The following SLC22A15 variants were observed in gnomAD, a reference collection of about 807,000 sequenced individuals.
SLC22A15 encodes the protein flipt 1.
In SLC22A15, 45 loss-of-function variants were observed where a neutral mutation model predicts 62.7. The ratio of observed to expected loss-of-function variants is 0.72; its 90% CI spans 0.56 to 0.92. The LOEUF (loss-of-function observed/expected upper bound fraction) is 0.92. Among genes scored for constraint, SLC22A15 ranks in the 40% least tolerant of loss-of-function variants. The pLI, the probability that SLC22A15 is intolerant of heterozygous loss-of-function variation, is 0.00. For missense variants in SLC22A15, 622 were observed against 665.6 expected (o/e 0.93, Z 0.72); for synonymous variants, 264 against 267.0 (o/e 0.99, Z 0.11).
intron 8 of SLC22A15, among the ~76,000 whole-genome samples, chr1:116,049,056 C>G (rs1657993168): frequency 6.6e-6 from 1 of 152,142 alleles, no homozygotes; most frequent in African/African-American, 2.4e-5. Flanking sequence ...TATCACAATC[C>G]TAAACACATA....
At chr1:115,993,151 G>A (rs149495413) in intron 2 of SLC22A15, among the ~76,000 whole-genome samples, 1 of 152,268 alleles carries the variant, frequency 6.6e-6, no homozygotes, top group Non-Finnish European at 1.5e-5. Flanking sequence ...CTCATGGTCA[G>A]CTGGAAGGCA....
intron 2 of SLC22A15, among the ~76,000 whole-genome samples, chr1:116,003,729 CTG>C (rs1319015206): frequency 6.6e-6 from 1 of 152,176 alleles, no homozygotes; most frequent in African/African-American, 2.4e-5. Flanking sequence ...CAATTCAAGA[CTG>C]TCTTTCCTAC....
At chr1:115,989,149 A>C (rs915176389) in intron 1 of SLC22A15, among the ~76,000 whole-genome samples, 1 of 151,634 alleles carries the variant, frequency 6.6e-6, no homozygotes, top group African/African-American at 2.4e-5. Flanking sequence ...GTGTGTGTGC[A>C]TGTGCAGGAG....
intron 1 of SLC22A15, among the ~76,000 whole-genome samples, chr1:115,991,042 T>A (rs576144450): frequency 6.6e-6 from 1 of 152,262 alleles, no homozygotes; most frequent in East Asian, 1.9e-4. Flanking sequence ...GCAGGAGCGA[T>A]GATTAAAGGT....
intron 8 of SLC22A15, among the ~76,000 whole-genome samples, chr1:116,040,347 C>G (rs775645530): frequency 6.6e-6 from 1 of 152,174 alleles, no homozygotes; most frequent in Non-Finnish European, 1.5e-5. Flanking sequence ...GACATTTTAC[C>G]TGAACTCTGT....
intron 1 of SLC22A15, among the ~76,000 whole-genome samples, chr1:115,980,808 G>A (rs1409397315): frequency 6.6e-6 from 1 of 152,070 alleles, no homozygotes; most frequent in East Asian, 1.9e-4. Flanking sequence ...GTAGTTTCAT[G>A]AATCTTATTT....
intron 2 of SLC22A15, among the ~76,000 whole-genome samples, chr1:115,996,167 G>T (rs1655411780): frequency 1.3e-5 from 2 of 152,112 alleles, no homozygotes; most frequent in Admixed American, 1.3e-4. Context: ...TTTGAGATTG[G>T]CTTTTTTTAT....
At chr1:116,035,957 T>C (rs143652663) in intron 7 of SLC22A15, among the ~76,000 whole-genome samples, 69 of 152,294 alleles carry the variant, frequency 4.5e-4, no homozygotes, top group African/African-American at 1.6e-3. Context: ...TGGGAATCAG[T>C]TGGATTATGC....
At chr1:116,006,230 G>C (rs926744627) in intron 2 of SLC22A15, among the ~76,000 whole-genome samples, 2 of 152,082 alleles carry the variant, frequency 1.3e-5, no homozygotes, top group African/African-American at 4.8e-5. Flanking sequence ...GTTAGAGAAG[G>C]CTTGCTATAA....
At position 116,022,523 on chromosome 1, in the gene SLC22A15, C is replaced by T. The variant is rs541111293; in HGVS notation, c.598+1638C>T. Among the ~76,000 whole-genome samples the T allele has an allele frequency of 3.3e-5, 5 of 152,270 alleles. No homozygotes were observed. In the South Asian group the frequency reaches 6.2e-4, roughly 19 times the overall value. Reference sequence around the variant, plus strand: ...TATAGTATTTATATTTGATTTTAGTCGTTGCATGAAGATGCTGTTTTATAA... The same window carrying T: ...TATAGTATTTATATTTGATTTTAGTTGTTGCATGAAGATGCTGTTTTATAA... On this transcript the variant is annotated intron_variant, in intron 4 of 11. Coordinates refer to ENST00000369503, the MANE Select transcript of SLC22A15 (RefSeq NM_018420.3).
rs879799556 is a variant in SLC22A15, at chr1:115,993,461, GTC to G, written c.300+1220_300+1221del. Among the ~76,000 whole-genome samples, 138 of 151,398 alleles carry G rather than the reference GTC, an allele frequency of 9.1e-4. 1 individual carries two copies. In the Middle Eastern group the frequency reaches 0.034, roughly 37 times the overall value. ...TGTGTGTGTGTGTGTGTGTGTGTCT[GTC>G]TGTCTGTCTGTCTGTATATATGTCT... is the stretch of plus-strand genomic sequence containing the variant. On this transcript the variant is annotated intron_variant, in intron 2 of 11. Coordinates refer to ENST00000369503, the MANE Select transcript of SLC22A15 (RefSeq NM_018420.3).
chr1:115,993,950 G>C (rs937391514), intron 2 of SLC22A15, among the ~76,000 whole-genome samples: 5 of 152,078 alleles, frequency 3.3e-5, no homozygotes, highest in Non-Finnish European at 7.4e-5. Context: ...CTTCCACCTG[G>C]TGAAATCCTT....
intron 8 of SLC22A15, among the ~76,000 whole-genome samples, chr1:116,050,253 C>A (rs1658015967): frequency 6.6e-6 from 1 of 152,118 alleles, no homozygotes; most frequent in South Asian, 2.1e-4. Context: ...ATGAAGCCAG[C>A]ATCACCCTAA....
At chr1:116,031,653 T>G in intron 6 of SLC22A15, 72 bp downstream of exon 6, 1 of 1,587,562 alleles carries the variant, frequency 6.3e-7, no homozygotes, top group Non-Finnish European at 8.6e-7. Flanking sequence ...ATCCTGCTCC[T>G]TCTTCAGGGT....
At chr1:116,044,914 TACCATGCTTATGG>T (rs1325309931) in intron 8 of SLC22A15, among the ~76,000 whole-genome samples, 9 of 152,124 alleles carry the variant, frequency 5.9e-5, no homozygotes, top group African/African-American at 2.2e-4. Context: ...ATAAATAGAT[TACCATGCTTATGG>T]ACCAGAAGAT....
At chr1:116,002,789 G>C (rs971743184) in intron 2 of SLC22A15, among the ~76,000 whole-genome samples, 3 of 151,942 alleles carry the variant, frequency 2.0e-5, no homozygotes, top group Non-Finnish European at 4.4e-5. Context: ...TTCCATGTAG[G>C]AGCCAAGGCC....
intron 1 of SLC22A15, among the ~76,000 whole-genome samples, chr1:115,986,458 A>T (rs1176192599): frequency 2.0e-5 from 3 of 152,208 alleles, no homozygotes; most frequent in Non-Finnish European, 4.4e-5. Flanking sequence ...AATACAGCCA[A>T]CTAATGCTTT....
intron 7 of SLC22A15, among the ~76,000 whole-genome samples, chr1:116,036,597 C>T (rs1023254980): frequency 6.6e-6 from 1 of 152,122 alleles, no homozygotes; most frequent in Admixed American, 6.5e-5. Context: ...TACTTATCCC[C>T]AAACCAGGGA....
At chr1:116,032,582 C>T in intron 6 of SLC22A15, 2 of 985,246 alleles carry the variant, frequency 2.0e-6, no homozygotes, top group Non-Finnish European at 2.4e-6. Context: ...CTTTTTCTAC[C>T]CAAGCAGTGG....
Sources: gnomAD v4.1 joint callset for allele counts (sites outside exome capture counted in the v4.1 genomes callset) on GRCh38, gnomAD v4.1.1 for gene constraint, MANE v1.5 for transcripts, NCBI Gene and HGNC (gene_info 2026-07-23, HGNC 2026-07-21) for gene names.